PCYOX1: variants seen among roughly 807,000 people sequenced by gnomAD.
PCYOX1 encodes prenylcysteine oxidase 1, also known as prenylcysteine lyase.
Under a neutral mutation model 46.4 loss-of-function variants are expected in PCYOX1, and 46 were observed. That is an observed-to-expected ratio of 0.99 (90% CI 0.78 to 1.27). The LOEUF is 1.27. Among genes scored for constraint, PCYOX1 ranks in the 50% most tolerant of loss-of-function variants. PCYOX1 has a pLI of 0.00. For synonymous variants in PCYOX1, 220 were observed against 231.8 expected (o/e 0.95, Z 0.46); for missense variants, 658 against 628.3 (o/e 1.05, Z -0.51).
At chr2:70,275,303 T>G in intron 4 of PCYOX1, 133 bp downstream of exon 4, 1 of 880,316 alleles carries the variant, frequency 1.1e-6, no homozygotes, top group Non-Finnish European at 1.8e-6. Flanking sequence ...GTTAGCAAAA[T>G]TGTGCGTATG....
chr2:70,263,546 T>G (rs1450237639), intron 3 of PCYOX1, among the ~76,000 whole-genome samples: 3 of 152,274 alleles, frequency 2.0e-5, no homozygotes, highest in East Asian at 1.9e-4. Flanking sequence ...ATATAGAATT[T>G]GCGTAGAGAC....
chr2:70,276,821 C>T lies in PCYOX1; in HGVS notation c.947C>T (p.Pro316Leu), dbSNP rs927886557. Residue 316 changes from proline (P) to leucine (L), a missense_variant, in exon 6 of 6, where the codon CCG becomes CTG. Transcript: ENST00000433351. The part of the protein sequence containing the change: ...DFYDIVLVAT[P>L]LNRKMSNITF... Reference sequence around the variant, plus strand: ...TATGACATCGTCTTGGTGGCCACTCCGTTGAATCGAAAAATGTCGAATATT... The same window carrying T: ...TATGACATCGTCTTGGTGGCCACTCTGTTGAATCGAAAAATGTCGAATATT... 25 of 1,612,756 alleles carry T rather than the reference C, an allele frequency of 1.6e-5. No homozygotes were observed. Among genetic ancestry groups the T allele is most frequent in the Admixed American group, 3.3e-5 (2 of 59,986 alleles).
intron 3 of PCYOX1, among the ~76,000 whole-genome samples, chr2:70,266,689 A>G (rs927442012): frequency 3.3e-5 from 5 of 152,222 alleles, no homozygotes; most frequent in South Asian, 2.1e-4. Flanking sequence ...GCTGCCTTCA[A>G]GCATCTGTTT....
intron 3 of PCYOX1, among the ~76,000 whole-genome samples, chr2:70,268,500 C>A (rs539985128): frequency 2.0e-5 from 3 of 152,194 alleles, no homozygotes; most frequent in Non-Finnish European, 2.9e-5. Flanking sequence ...AAAATGAGGT[C>A]TTTAGCGTAG....
At chr2:70,257,999 A>C, upstream of PCYOX1, 1 of 487,780 alleles carries the variant, frequency 2.1e-6, no homozygotes. Flanking sequence ...GAGCTCCTGC[A>C]GGGTTGAGAG....
At chr2:70,258,441 C>T in intron 1 of PCYOX1, 165 bp downstream of exon 1, 1 of 524,992 alleles carries the variant, frequency 1.9e-6, no homozygotes, top group East Asian at 3.6e-5. Context: ...GGGCGGCTTT[C>T]AGCTCTGGTC....
At chr2:70,264,382 A>C (rs1696484257) in intron 3 of PCYOX1, among the ~76,000 whole-genome samples, 1 of 151,158 alleles carries the variant, frequency 6.6e-6, no homozygotes, top group Admixed American at 6.6e-5. Flanking sequence ...GCTGGAGTGC[A>C]GTGGTGCAAT....
chr2:70,262,836 A>T (rs528191292), intron 3 of PCYOX1, among the ~76,000 whole-genome samples: 2 of 152,200 alleles, frequency 1.3e-5, no homozygotes, highest in African/African-American at 4.8e-5. Context: ...CCAGGATCGC[A>T]TCATTACACT....
At position 70,263,092 on chromosome 2, in the gene PCYOX1, G is replaced by A. The variant is rs189415522; in HGVS notation, c.494+1706G>A. 2.4e-3 allele frequency among the ~76,000 whole-genome samples: 368 copies of A among 152,034 alleles called. 1 individual carries two copies. Among genetic ancestry groups the A allele is most frequent in the African/African-American group, 8.2e-3 (340 of 41,470 alleles). On this transcript the variant is annotated intron_variant, in intron 3 of 5. Coordinates refer to ENST00000433351, the MANE Select transcript of PCYOX1 (RefSeq NM_016297.4). The stretch of plus-strand genomic sequence containing the variant: ...CTACAAAAAATATAAAAATTTAGCC[G>A]GCGTGGTGGTGCATGCCTGTAATCC...
At chr2:70,271,910 A>C (rs72904339) in intron 3 of PCYOX1, among the ~76,000 whole-genome samples, 14,111 of 107,330 alleles carry the variant, frequency 0.13, 525 homozygotes, top group East Asian at 0.26. Flanking sequence ...ATTTCAAAAT[A>C]AAAAAAAAGT....
intron 3 of PCYOX1, among the ~76,000 whole-genome samples, chr2:70,265,026 G>T (rs901670641): frequency 6.6e-6 from 1 of 151,882 alleles, no homozygotes; most frequent in African/African-American, 2.4e-5. Flanking sequence ...CTCGAAAGAG[G>T]GCTCAAGCTT....
chr2:70,259,704 GT>G, intron 2 of PCYOX1, 138 bp downstream of exon 2: 1 of 529,312 alleles, frequency 1.9e-6, no homozygotes. Flanking sequence ...TCACTTTCTT[GT>G]TAGTTGGTAC....
At chr2:70,273,433 G>C (rs887967359) in intron 3 of PCYOX1, among the ~76,000 whole-genome samples, 1 of 152,156 alleles carries the variant, frequency 6.6e-6, no homozygotes, top group Non-Finnish European at 1.5e-5. Flanking sequence ...CTACTACTAT[G>C]CTTTTAGTAG....
At position 70,261,304 on chromosome 2, in the gene PCYOX1, G is replaced by C; in HGVS notation, c.412G>C (p.Val138Leu). ...FEESNWFIIN[V>L]IKLVWRYGFQ... ...GGAGAGCAACTGGTTCATAATTAACGTGATTAAATTAGTTTGGCGCTATGG... is the reference window on the plus strand; with the variant it reads ...GGAGAGCAACTGGTTCATAATTAACCTGATTAAATTAGTTTGGCGCTATGG... The change falls in exon 3 of 6, where the codon GTG becomes CTG. Residue 138 changes from valine to leucine, a missense_variant. Transcript: ENST00000433351. 1 of 1,610,556 alleles carries C rather than the reference G, an allele frequency of 6.2e-7. No homozygotes were observed. The highest frequency in any genetic ancestry group is 8.5e-7 in the Non-Finnish European group (1 of 1,176,718).
At position 70,279,464 on chromosome 2, in the gene PCYOX1, A is replaced by G. The variant is rs1454911728; in HGVS notation, c.*2072A>G. On this transcript the variant is annotated 3_prime_UTR_variant, in exon 6 of 6. Coordinates refer to ENST00000433351, the MANE Select transcript of PCYOX1 (RefSeq NM_016297.4). The stretch of plus-strand genomic sequence containing the variant: ...TTGTAGACTTGTTTTGCAATGGGAT[A>G]TATTTTTACTTATAATACCAATTTA... 2 of 152,240 alleles carry G rather than the reference A, an allele frequency of 1.3e-5. No homozygotes were observed. Among genetic ancestry groups the G allele is most frequent in the Non-Finnish European group, 2.9e-5 (2 of 68,048 alleles). The allele number at this position is 152,240 out of a possible 1,614,324, so 9.4% of individuals were successfully genotyped here. A position where few individuals can be genotyped will look rare whatever the true frequency, so the allele number is the denominator to read the frequency against.
chr2:70,264,837 A>T (rs1696489939), intron 3 of PCYOX1, among the ~76,000 whole-genome samples: 1 of 151,822 alleles, frequency 6.6e-6, no homozygotes, highest in Non-Finnish European at 1.5e-5. Flanking sequence ...AACATGGTGA[A>T]ACTCCGCCTT....
At chr2:70,269,539 G>A (rs1054301651) in intron 3 of PCYOX1, among the ~76,000 whole-genome samples, 4 of 152,084 alleles carry the variant, frequency 2.6e-5, no homozygotes, top group African/African-American at 9.7e-5. Context: ...TTTTCGCCAT[G>A]ATGGCCAGGC....
chr2:70,270,496 C>T (rs1217878194), intron 3 of PCYOX1, among the ~76,000 whole-genome samples: 1 of 152,218 alleles, frequency 6.6e-6, no homozygotes, highest in Non-Finnish European at 1.5e-5. Context: ...TCCCGGTTCT[C>T]CCATATCACT....
chr2:70,260,289 A>C (rs1017474234), intron 2 of PCYOX1, among the ~76,000 whole-genome samples: 1 of 152,080 alleles, frequency 6.6e-6, no homozygotes, highest in Non-Finnish European at 1.5e-5. Context: ...TCATGCCTGT[A>C]ATCCCAGCAC....
Sources: gnomAD v4.1 joint callset for allele counts (sites outside exome capture counted in the v4.1 genomes callset) on GRCh38, gnomAD v4.1.1 for gene constraint, MANE v1.5 for transcripts, NCBI Gene and HGNC (gene_info 2026-07-23, HGNC 2026-07-21) for gene names.